The following ADGRV1 variants were observed in gnomAD, a reference collection of about 807,000 sequenced individuals.
ADGRV1 encodes adhesion G protein-coupled receptor V1.
ADGRV1 carries 359 observed loss-of-function variants against 596.2 expected under a neutral mutation model. The ratio of observed to expected loss-of-function variants is 0.60; its 90% CI spans 0.55 to 0.66. ADGRV1 has a LOEUF of 0.66. Ranked by LOEUF, ADGRV1 falls within the 30% of genes least tolerant of loss-of-function variation. ADGRV1 has a pLI of 0.00. For missense variants in ADGRV1, 7,274 were observed against 7,575.6 expected, an observed-to-expected ratio of 0.96 and a Z score of 1.48; for synonymous variants, 2,681 against 2,679.2, an observed-to-expected ratio of 1.00 and a Z score of -0.02.
chr5:90,924,312 T>G (rs1273554981), intron 83 of ADGRV1, among the ~76,000 whole-genome samples: 1 of 151,276 alleles, frequency 6.6e-6, no homozygotes, highest in Non-Finnish European at 1.5e-5. Flanking sequence ...GACTTTTTAA[T>G]GATTGCCATT....
At position 90,810,868 on chromosome 5, in the gene ADGRV1, A is replaced by C. The variant is rs202106463; in HGVS notation, c.15608A>C (p.Glu5203Ala). 4.3e-6 allele frequency: 7 copies of C among 1,614,026 alleles called. No homozygotes were observed. The East Asian group carries it at 1.3e-4, about 31-fold the overall frequency. ...CTTCATGGCACACCTGCTGTGTCTG[A>C]AAAGCCTGATGTGGCCACTGTAACT... ...VTLHGTPAVSEKPDVATVTAN... is the reference protein window; with the variant it reads ...VTLHGTPAVSAKPDVATVTAN... Residue 5203 changes from glutamate (E) to alanine (A), a missense_variant, in exon 74 of 90, where the codon GAA (glutamate) becomes GCA (alanine). By Grantham distance (107) the Glu-to-Ala change is moderately radical (BLOSUM62 -1). Around this residue, in one of 5 missense-constraint regions of ADGRV1, gnomAD observed 1,874 missense variants for 1,970.2 expected, o/e 0.95. Coordinates refer to ENST00000405460, the MANE Select transcript of ADGRV1 (RefSeq NM_032119.4).
intron 87 of ADGRV1, among the ~76,000 whole-genome samples, chr5:91,107,509 A>G (rs998087012): frequency 2.0e-5 from 3 of 151,998 alleles, no homozygotes; most frequent in Admixed American, 2.0e-4. Context: ...ATGAAAAACT[A>G]CTCTGGAGCT....
At position 90,595,603 on chromosome 5, in the gene ADGRV1, G is replaced by A. The variant is rs570870330; in HGVS notation, c.23-19232G>A. On this transcript the variant is annotated intron_variant, in intron 1 of 89. Transcript: ENST00000405460. ...TCCCTCCCAGATGGGGCGGCTGGCC[G>A]GGCGGGGGGCTGACCCCCCCACCTC... Among the ~76,000 whole-genome samples the A allele has an allele frequency of 1.9e-3, 249 of 131,482 alleles. 5 individuals are homozygous for A. Among genetic ancestry groups the A allele is most frequent in the Admixed American group, 0.011 (155 of 14,082 alleles). The allele number at this position is 131,482 out of a possible 152,430, so 86.3% of individuals were successfully genotyped here.
At chr5:91,159,109 C>T (rs1409122816) in intron 89 of ADGRV1, among the ~76,000 whole-genome samples, 1 of 152,100 alleles carries the variant, frequency 6.6e-6, no homozygotes, top group Non-Finnish European at 1.5e-5. Context: ...GTCAGAATGC[C>T]ATTGCTCTAA....
intron 83 of ADGRV1, among the ~76,000 whole-genome samples, chr5:90,888,561 A>T (rs1475275513): frequency 6.6e-6 from 1 of 152,166 alleles, no homozygotes; most frequent in Non-Finnish European, 1.5e-5. Context: ...TGCAGGAAAA[A>T]ATGACTAATG....
At chr5:90,567,610 A>G (rs1429100410) in intron 1 of ADGRV1, among the ~76,000 whole-genome samples, 3 of 152,062 alleles carry the variant, frequency 2.0e-5, no homozygotes, top group African/African-American at 7.2e-5. Flanking sequence ...GTTCATGGTC[A>G]TGCTTTATAT....
chr5:90,790,607 G>C (rs1348900692), intron 69 of ADGRV1, among the ~76,000 whole-genome samples: 1 of 152,090 alleles, frequency 6.6e-6, no homozygotes, highest in Non-Finnish European at 1.5e-5. Context: ...AAGGTAGCTT[G>C]CTTCTCTGTG....
intron 86 of ADGRV1, among the ~76,000 whole-genome samples, chr5:91,093,875 A>G (rs1365097702): frequency 2.1e-5 from 3 of 142,846 alleles, no homozygotes; most frequent in Non-Finnish European, 4.5e-5. Flanking sequence ...TTTTTGAGAT[A>G]GAGTCTCACT....
At chr5:90,970,550 C>CATTTGCTGTGCAGCAAT (rs1778872516) in intron 84 of ADGRV1, among the ~76,000 whole-genome samples, 1 of 58,020 alleles carries the variant, frequency 1.7e-5, no homozygotes, top group Non-Finnish European at 2.9e-5. Context: ...GAGGCAGCAA[C>CATTTGCTGTGCAGCAAT]ATTTGCTGTT....
chr5:90,799,707 C>T (rs1267455614), intron 70 of ADGRV1, among the ~76,000 whole-genome samples: 1 of 152,184 alleles, frequency 6.6e-6, no homozygotes, highest in Non-Finnish European at 1.5e-5. Flanking sequence ...ATCAAAACAG[C>T]ATGGTAGTGG....
intron 86 of ADGRV1, among the ~76,000 whole-genome samples, chr5:91,084,221 A>C (rs900273565): frequency 1.3e-5 from 2 of 152,090 alleles, no homozygotes; most frequent in African/African-American, 2.4e-5. Flanking sequence ...ACTGTTAAGG[A>C]TATTTTCACC....
intron 84 of ADGRV1, among the ~76,000 whole-genome samples, chr5:90,972,344 A>T (rs1335456399): frequency 6.6e-6 from 1 of 152,154 alleles, no homozygotes; most frequent in Non-Finnish European, 1.5e-5. Context: ...GCTCTGCACC[A>T]AGCGGATCTA....
intron 17 of ADGRV1, among the ~76,000 whole-genome samples, chr5:90,649,697 C>T (rs775281306): frequency 3.3e-5 from 5 of 152,110 alleles, no homozygotes; most frequent in African/African-American, 7.2e-5. Context: ...TCGTGTTGGC[C>T]AGGCTGGTCT....
intron 70 of ADGRV1, among the ~76,000 whole-genome samples, chr5:90,796,781 A>C (rs1269252766): frequency 6.6e-6 from 1 of 152,232 alleles, no homozygotes; most frequent in Admixed American, 6.5e-5. Context: ...CTCTCAGCAC[A>C]AACCCTACAA....
intron 83 of ADGRV1, among the ~76,000 whole-genome samples, chr5:90,960,959 A>G (rs992053650): frequency 1.4e-4 from 22 of 152,308 alleles, no homozygotes; most frequent in Non-Finnish European, 2.8e-4. Context: ...AAGCAGCGCT[A>G]ATACTCTCAT....
At chr5:90,681,865 C>T (rs936122154) in intron 27 of ADGRV1, among the ~76,000 whole-genome samples, 9 of 131,828 alleles carry the variant, frequency 6.8e-5, no homozygotes, top group Non-Finnish European at 4.7e-5. Context: ...TTCCTTCCTT[C>T]CTTTCTTTCT....
intron 32 of ADGRV1, among the ~76,000 whole-genome samples, 162 bp from the exon 33 acceptor site, chr5:90,693,727 CA>C (rs1343651572): frequency 4.6e-5 from 7 of 152,156 alleles, no homozygotes; most frequent in Admixed American, 4.6e-4. Context: ...CAGGAGAAAA[CA>C]AAATGTTGGG....
intron 75 of ADGRV1, 71 bp from the exon 76 acceptor site, chr5:90,823,354 T>A: frequency 6.9e-7 from 1 of 1,452,928 alleles, no homozygotes; most frequent in Non-Finnish European, 9.5e-7. Flanking sequence ...GTACCATTAT[T>A]TGATAATAAA....
At chr5:90,849,390 C>CTA (rs1311457675) in intron 79 of ADGRV1, among the ~76,000 whole-genome samples, 3 of 152,008 alleles carry the variant, frequency 2.0e-5, no homozygotes, top group South Asian at 2.1e-4. Context: ...TCTATATTAA[C>CTA]TATATATATA....
Sources: allele counts gnomAD v4.1 joint callset (sites outside exome capture counted in the v4.1 genomes callset), GRCh38; gene constraint gnomAD v4.1.1; regional missense constraint gnomAD v4.1.1; transcripts MANE v1.5; gene names NCBI Gene and HGNC (gene_info 2026-07-23, HGNC 2026-07-21).